The following ELP2 variants were observed in gnomAD, a reference collection of about 807,000 sequenced individuals.
The protein encoded by ELP2 is elongator complex protein 2.
In ELP2, 90 loss-of-function variants were observed where a neutral mutation model predicts 119.2. The observed-to-expected ratio is 0.75, with a 90% confidence interval of 0.64 to 0.90. The LOEUF is 0.90. ELP2 is among the 40% of genes least tolerant of loss of function. The pLI is 0.00. For missense variants in ELP2, 921 were observed against 967.8 expected (o/e 0.95, Z 0.64); for synonymous variants, 339 against 331.0 (o/e 1.02, Z -0.26).
In ELP2 at chr18:36,179,990, G is replaced by A. The variant is rs1001725833; in HGVS notation, c.*5349G>A. On this transcript the variant is annotated 3_prime_UTR_variant, in exon 22 of 22. Coordinates refer to ENST00000358232, the MANE Select transcript of ELP2 (RefSeq NM_018255.4). ...ATTCAACTGTGTGTGAAAAAAAATTGTAAAATTTTCTTTCTGGTTTACGCA... is the reference window on the plus strand; with the variant it reads ...ATTCAACTGTGTGTGAAAAAAAATTATAAAATTTTCTTTCTGGTTTACGCA... 1 of 152,184 alleles carries A rather than the reference G, an allele frequency of 6.6e-6. No homozygotes were observed. The highest frequency in any genetic ancestry group is 6.5e-5 in the Admixed American group (1 of 15,276). 9.4% of individuals were successfully genotyped at this position (152,184 alleles called of 1,614,324 possible).
intron 11 of ELP2, among the ~76,000 whole-genome samples, chr18:36,150,061 A>G (rs1330443405): frequency 6.6e-6 from 1 of 152,174 alleles, no homozygotes; most frequent in Non-Finnish European, 1.5e-5. Flanking sequence ...CCTACTACAC[A>G]GTCAGTTTCA....
intron 13 of ELP2, chr18:36,158,367 T>G (rs1252169578): frequency 6.5e-6 from 1 of 153,908 alleles, no homozygotes; most frequent in Non-Finnish European, 1.4e-5. Context: ...TAGTTAGGTA[T>G]GTTTAATGAA....
Position 36,139,307 on chromosome 18 carries a change from C to A in ELP2, c.523+435C>A, listed in dbSNP as rs748403127. Reference sequence around the variant, plus strand: ...CATTTTGCCCAAGACCACTTAAAATCTGCAAACAGAAAAATTTCCCTTTTG... The same window carrying A: ...CATTTTGCCCAAGACCACTTAAAATATGCAAACAGAAAAATTTCCCTTTTG... On this transcript the variant is annotated intron_variant, in intron 5 of 21. Transcript: ENST00000358232. 43 of 1,055,620 alleles carry A rather than the reference C, an allele frequency of 4.1e-5. 1 individual carries two copies. The highest frequency in any genetic ancestry group is 4.5e-5 in the Non-Finnish European group (34 of 750,960). The allele number at this position is 1,055,620 out of a possible 1,614,324, so 65.4% of individuals were successfully genotyped here.
At chr18:36,140,153 T>C (rs796668259) in intron 5 of ELP2, among the ~76,000 whole-genome samples, 5 of 152,094 alleles carry the variant, frequency 3.3e-5, no homozygotes, top group African/African-American at 1.2e-4. Context: ...TCCCCTTGCG[T>C]AGCTTTGTAA....
chr18:36,145,956 C>T lies in ELP2; in HGVS notation c.901C>T (p.Leu301=). 1.9e-6 allele frequency: 3 copies of T among 1,612,986 alleles called. No homozygotes were observed. Among genetic ancestry groups the T allele is most frequent in the South Asian group, 2.2e-5 (2 of 91,056 alleles). The part of the protein sequence containing the change: ...WQPVFYKDGV[L]QQPVRLLSAS... ...TAGGTTTTATTTTTTAGATGGTGTCCTACAGCAGCCAGTGAGATTATTATC... is the reference window on the plus strand; with the variant it reads ...TAGGTTTTATTTTTTAGATGGTGTCTTACAGCAGCCAGTGAGATTATTATC... The change falls in exon 10 of 22, where the codon CTA becomes TTA. Residue 301 remains leucine, a synonymous_variant. Transcript: ENST00000358232.
In ELP2 at chr18:36,154,724, A is replaced by G. The variant is rs73428959; in HGVS notation, c.1126-126A>G. On this transcript the variant is annotated intron_variant, in intron 11 of 21. Transcript: ENST00000358232. The stretch of plus-strand genomic sequence containing the variant: ...ATGGATCCTATTATTCTGTGATCCG[A>G]TCTTGTATACTTAGCTTTTCACCTT... 705 of 981,758 alleles carry G rather than the reference A, an allele frequency of 7.2e-4. 1 individual carries two copies. The African/African-American group carries it at 1.0e-2, about 14-fold the overall frequency. The allele number at this position is 981,758 out of a possible 1,614,324, so 60.8% of individuals were successfully genotyped here.
At position 36,145,041 on chromosome 18, in the gene ELP2, A is replaced by G. The variant is rs754108584; in HGVS notation, c.892+7A>G. The G allele has an allele frequency of 1.9e-6, 3 of 1,605,052 alleles. No homozygotes were observed. The Admixed American group carries it at 5.0e-5, about 27-fold the overall frequency. On this transcript the variant is annotated splice_region_variant and intron_variant, in intron 9 of 21. Coordinates refer to ENST00000358232, the MANE Select transcript of ELP2 (RefSeq NM_018255.4). ...CAACCTGTGTTTTACAAAGGTAGGA[A>G]GAAAACCATACACATATCCCTTACT...
chr18:36,147,872 A>C (rs968660890), intron 11 of ELP2, among the ~76,000 whole-genome samples: 6 of 152,166 alleles, frequency 3.9e-5, no homozygotes, highest in African/African-American at 7.2e-5. Flanking sequence ...TTTATAAAGT[A>C]TATTGCAAAG....
chr18:36,158,448 A>G (rs1437709837), intron 13 of ELP2: 1 of 184,532 alleles, frequency 5.4e-6, no homozygotes, highest in Non-Finnish European at 1.2e-5. Flanking sequence ...TCATCAGGGG[A>G]TGTGCCTGTG....
chr18:36,142,158 TA>T, intron 6 of ELP2, 122 bp from the exon 7 acceptor site: 1 of 803,702 alleles, frequency 1.2e-6, no homozygotes, highest in Non-Finnish European at 2.2e-6. Context: ...TTTTCTTGTC[TA>T]ATCAAATAGT....
rs2144647046 is a variant in ELP2 at position 36,145,119 on chromosome 18, T to G, written c.892+85T>G. 4 of 1,007,348 alleles carry G rather than the reference T, an allele frequency of 4.0e-6. No individual in the cohort carries two copies. The East Asian group carries it at 9.5e-5, about 24-fold the overall frequency. The allele number at this position is 1,007,348 out of a possible 1,614,324, so 62.4% of individuals were successfully genotyped here. A position where few individuals can be genotyped will look rare whatever the true frequency, so the allele number is the denominator to read the frequency against. ...TGACCAAATCAAGTGGAGAATTTTT[T>G]TACTGTGATTAGAAATCTCAAATAC... is the stretch of plus-strand genomic sequence containing the variant. On this transcript the variant is annotated intron_variant, in intron 9 of 21. Transcript: ENST00000358232.
chr18:36,145,634 CAA>C (rs770669566), intron 9 of ELP2, among the ~76,000 whole-genome samples: 1 of 151,754 alleles, frequency 6.6e-6, no homozygotes, highest in African/African-American at 2.4e-5. Context: ...ATTTAAAAAA[CAA>C]AAAAAATTGG....
intron 2 of ELP2, among the ~76,000 whole-genome samples, chr18:36,133,907 T>G (rs1459954182): frequency 1.6e-5 from 2 of 125,648 alleles, no homozygotes; most frequent in African/African-American, 3.1e-5. Context: ...GTTTTTTTTT[T>G]TTTTTTTTTT....
chr18:36,145,159 T>A (rs1598761896), intron 9 of ELP2, 125 bp downstream of exon 9: 1 of 776,804 alleles, frequency 1.3e-6, no homozygotes, highest in Non-Finnish European at 2.3e-6. Flanking sequence ...CATTTTCAAG[T>A]TGACAAAGTA....
intron 8 of ELP2, 52 bp downstream of exon 8, chr18:36,143,018 GT>G: frequency 7.2e-7 from 1 of 1,397,954 alleles, no homozygotes; most frequent in Non-Finnish European, 9.9e-7. Context: ...CTCCTAGTTG[GT>G]TGATTTTTTT....
In ELP2 at chr18:36,177,066, G is replaced by A. The variant is rs1231976771; in HGVS notation, c.*2425G>A. 1 of 152,204 alleles carries A rather than the reference G, an allele frequency of 6.6e-6. No homozygotes were observed. Among genetic ancestry groups the A allele is most frequent in the Non-Finnish European group, 1.5e-5 (1 of 68,044 alleles). The allele number at this position is 152,204 out of a possible 1,614,324, so 9.4% of individuals were successfully genotyped here. The stretch of plus-strand genomic sequence containing the variant: ...AAAAAAACAATGAACGCTGGTCATT[G>A]ATATGTATACTGACATGTTTGAGGG... On this transcript the variant is annotated 3_prime_UTR_variant, in exon 22 of 22. Coordinates refer to ENST00000358232, the MANE Select transcript of ELP2 (RefSeq NM_018255.4).
At chr18:36,139,807 C>T (rs2089959568) in intron 5 of ELP2, 1 of 387,244 alleles carries the variant, frequency 2.6e-6, no homozygotes, top group Non-Finnish European at 4.5e-6. Context: ...AATAATTTTA[C>T]AGTCACATCT....
At chr18:36,149,915 G>A (rs1426895038) in intron 11 of ELP2, among the ~76,000 whole-genome samples, 1 of 152,104 alleles carries the variant, frequency 6.6e-6, no homozygotes, top group African/African-American at 2.4e-5. Context: ...TCTACCCATT[G>A]TTGGACATTA....
chr18:36,169,397 T>TCTG, intron 19 of ELP2, among the ~76,000 whole-genome samples: 1 of 151,360 alleles, frequency 6.6e-6, no homozygotes, highest in Non-Finnish European at 1.5e-5. Context: ...TCTTTTTTTT[T>TCTG]TTTTTTGAGA....
Sources: gnomAD v4.1 joint callset for allele counts (sites outside exome capture counted in the v4.1 genomes callset) on GRCh38, gnomAD v4.1.1 for gene constraint, MANE v1.5 for transcripts, NCBI Gene and HGNC (gene_info 2026-07-23, HGNC 2026-07-21) for gene names.